SOX6: variants seen among roughly 807,000 people sequenced by gnomAD.
The protein encoded by SOX6 is SRY-box transcription factor 6, also known as transcription factor SOX-6.
Under a neutral mutation model 97.8 loss-of-function variants are expected in SOX6, and 11 were observed. That is an observed-to-expected ratio of 0.11 (90% CI 0.07 to 0.19). The LOEUF is 0.19. SOX6 is among the 10% of genes least tolerant of loss of function. The pLI, the probability that SOX6 is intolerant of heterozygous loss-of-function variation, is 1.00. For synonymous variants in SOX6, 360 were observed against 371.4 expected (o/e 0.97, Z 0.35); for missense variants, 810 against 1,039.5 (o/e 0.78, Z 3.04).
chr11:16,090,178 T>G (rs1268863499), intron 9 of SOX6, among the ~76,000 whole-genome samples: 1 of 152,070 alleles, frequency 6.6e-6, no homozygotes, highest in Non-Finnish European at 1.5e-5. Context: ...GTGGATTAAT[T>G]AGTGGGGCTA....
chr11:16,636,521 G>A (rs532230365), intron 3 of SOX6, among the ~76,000 whole-genome samples: 1 of 152,294 alleles, frequency 6.6e-6, no homozygotes, highest in South Asian at 2.1e-4. Context: ...TTGGACTTTT[G>A]AGTTAATGCT....
At chr11:16,418,503 C>T (rs1396133941) in intron 1 of SOX6, among the ~76,000 whole-genome samples, 1 of 152,050 alleles carries the variant, frequency 6.6e-6, no homozygotes, top group Non-Finnish European at 1.5e-5. Flanking sequence ...TAACAATTAG[C>T]CTTAAAAAAA....
intron 6 of SOX6, among the ~76,000 whole-genome samples, chr11:16,148,190 ATTCT>A (rs1396609315): frequency 0.012 from 1,829 of 152,304 alleles, 36 homozygotes; most frequent in African/African-American, 0.041. Context: ...TTTAAAGTAT[ATTCT>A]GCCAATCAGT....
Position 16,132,338 on chromosome 11 carries a change from A to AGAAAG in SOX6, c.778-20416_778-20415insCTTTC, listed in dbSNP as rs1413490349. On this transcript the variant is annotated intron_variant, in intron 6 of 15. Transcript: ENST00000683767. ...AGGAAGGAAGGAAGGAAGGAAAGAA[A>AGAAAG]AAAGAAAGAAAGAAAGAAAGAAAGA... is the stretch of plus-strand genomic sequence containing the variant. 9.8e-5 allele frequency among the ~76,000 whole-genome samples: 4 copies of AGAAAG among 40,654 alleles called. No homozygotes were observed. In the East Asian group the frequency reaches 1.7e-3, roughly 17 times the overall value. 26.7% of individuals were successfully genotyped at this position (40,654 alleles called of 152,430 possible). A position where few individuals can be genotyped will look rare whatever the true frequency, so the allele number is the denominator to read the frequency against.
At chr11:16,727,980 A>C (rs1393866065) in intron 2 of SOX6, among the ~76,000 whole-genome samples, 1 of 152,100 alleles carries the variant, frequency 6.6e-6, no homozygotes, top group Non-Finnish European at 1.5e-5. Context: ...GAAGATATAC[A>C]TCTGGGTGGA....
At chr11:16,603,733 T>C (rs950616699) in intron 4 of SOX6, among the ~76,000 whole-genome samples, 1 of 152,180 alleles carries the variant, frequency 6.6e-6, no homozygotes. Flanking sequence ...CCATTCAGTC[T>C]GCACTCTGCG....
intron 4 of SOX6, among the ~76,000 whole-genome samples, chr11:16,535,048 T>C (rs1361291220): frequency 6.6e-6 from 1 of 152,188 alleles, no homozygotes; most frequent in Non-Finnish European, 1.5e-5. Context: ...TACAATGTCT[T>C]CATAATGATG....
intron 2 of SOX6, among the ~76,000 whole-genome samples, chr11:16,715,865 C>A (rs1222728341): frequency 6.6e-6 from 1 of 152,070 alleles, no homozygotes; most frequent in Non-Finnish European, 1.5e-5. Context: ...ACTGCTTTTC[C>A]CTGTATCAAA....
rs771021219 is a variant in SOX6, at chr11:15,972,795, C to A, written c.*14G>T. 19 of 1,613,942 alleles carry A rather than the reference C, an allele frequency of 1.2e-5. No homozygotes were observed. The highest frequency in any genetic ancestry group is 1.7e-5 in the Admixed American group (1 of 59,974). On this transcript the variant is annotated 3_prime_UTR_variant, in exon 16 of 16. Coordinates refer to ENST00000683767, the MANE Select transcript of SOX6 (RefSeq NM_001367873.1). Reference sequence around the variant, plus strand: ...GAAATGTCAGAGTACTTTAATTCAGCAAACAAAAACTCCTCAGTTGGCACT... The same window carrying A: ...GAAATGTCAGAGTACTTTAATTCAGAAAACAAAAACTCCTCAGTTGGCACT...
At chr11:16,296,255 C>A (rs993691045) in intron 3 of SOX6, among the ~76,000 whole-genome samples, 3 of 151,968 alleles carry the variant, frequency 2.0e-5, no homozygotes. Flanking sequence ...ATAGTTATGT[C>A]TTTTTTAATA....
At chr11:16,265,228 A>G (rs1310631946) in intron 3 of SOX6, among the ~76,000 whole-genome samples, 1 of 151,916 alleles carries the variant, frequency 6.6e-6, no homozygotes, top group Non-Finnish European at 1.5e-5. Flanking sequence ...CCAGAAAAAG[A>G]ATTGTCTGAA....
intron 4 of SOX6, among the ~76,000 whole-genome samples, chr11:16,529,380 G>A (rs1861208931): frequency 6.6e-6 from 1 of 152,040 alleles, no homozygotes; most frequent in Non-Finnish European, 1.5e-5. Context: ...ATTAAGTCTT[G>A]TATAAGCATT....
intron 9 of SOX6, among the ~76,000 whole-genome samples, chr11:16,058,733 CT>C (rs1230443409): frequency 6.6e-6 from 1 of 151,976 alleles, no homozygotes; most frequent in East Asian, 1.9e-4. Flanking sequence ...TGCAGATTTC[CT>C]GATTTTCACC....
At chr11:16,193,621 C>T (rs1851690731) in intron 4 of SOX6, among the ~76,000 whole-genome samples, 1 of 152,142 alleles carries the variant, frequency 6.6e-6, no homozygotes, top group African/African-American at 2.4e-5. Flanking sequence ...GTGGCACTGA[C>T]ACTGGAGTGG....
chr11:16,045,253 C>T (rs1337013471), intron 12 of SOX6, among the ~76,000 whole-genome samples: 1 of 152,076 alleles, frequency 6.6e-6, no homozygotes, highest in African/African-American at 2.4e-5. Flanking sequence ...CTTGAATCCC[C>T]AATCTGCAAT....
chr11:16,567,854 T>C (rs1847892621), intron 4 of SOX6, among the ~76,000 whole-genome samples: 1 of 150,586 alleles, frequency 6.6e-6, no homozygotes, highest in African/African-American at 2.4e-5. Flanking sequence ...GGATTACAGG[T>C]GTGAGCCACT....
intron 1 of SOX6, among the ~76,000 whole-genome samples, chr11:16,429,441 T>C (rs1859225298): frequency 6.6e-6 from 1 of 152,144 alleles, no homozygotes; most frequent in Admixed American, 6.5e-5. Flanking sequence ...CCATCAATGA[T>C]AGACTGGATA....
intron 3 of SOX6, among the ~76,000 whole-genome samples, chr11:16,624,347 C>A (rs988238227): frequency 1.3e-5 from 2 of 151,926 alleles, no homozygotes; most frequent in Non-Finnish European, 2.9e-5. Context: ...GCCACCACCC[C>A]CAGCTAATTT....
chr11:15,969,636 A>C lies in SOX6; in HGVS notation c.*3173T>G, dbSNP rs1393988573. 6.6e-6 allele frequency: 1 copy of C among 152,184 alleles called. No homozygotes were observed. Among genetic ancestry groups the C allele is most frequent in the Non-Finnish European group, 1.5e-5 (1 of 68,034 alleles). The allele number at this position is 152,184 out of a possible 1,614,324, so 9.4% of individuals were successfully genotyped here. On this transcript the variant is annotated 3_prime_UTR_variant, in exon 16 of 16. Transcript: ENST00000683767. ...ACCAACATCTATGGATAGAGAACAA[A>C]AAGGAAATACATAACTTATATCTCA...
Sources: gnomAD v4.1 joint callset for allele counts (sites outside exome capture counted in the v4.1 genomes callset) on GRCh38, gnomAD v4.1.1 for gene constraint, MANE v1.5 for transcripts, NCBI Gene and HGNC (gene_info 2026-07-23, HGNC 2026-07-21) for gene names.